The following PITPNC1 variants were observed in gnomAD, a reference collection of about 807,000 sequenced individuals.
PITPNC1 encodes the protein phosphatidylinositol transfer protein cytoplasmic 1.
Under a neutral mutation model 44.7 loss-of-function variants are expected in PITPNC1, and 18 were observed. The ratio of observed to expected loss-of-function variants is 0.40; its 90% CI spans 0.28 to 0.60. PITPNC1 has a LOEUF of 0.60. Ranked by LOEUF, PITPNC1 falls within the 20% of genes least tolerant of loss-of-function variation. PITPNC1 has a pLI of 0.39. For synonymous variants in PITPNC1, 141 were observed against 149.6 expected, an observed-to-expected ratio of 0.94 and a Z score of 0.42; for missense variants, 290 against 418.4, an observed-to-expected ratio of 0.69 and a Z score of 2.68.
chr17:67,511,351 A>T (rs1022614673), intron 1 of PITPNC1, among the ~76,000 whole-genome samples: 2 of 152,238 alleles, frequency 1.3e-5, no homozygotes, highest in African/African-American at 4.8e-5. Flanking sequence ...GGGTTTCTCT[A>T]GGATAAATTC....
At chr17:67,542,236 C>A (rs969334459) in intron 2 of PITPNC1, among the ~76,000 whole-genome samples, 2 of 151,952 alleles carry the variant, frequency 1.3e-5, no homozygotes, top group Non-Finnish European at 2.9e-5. Flanking sequence ...AGTTCTTGGG[C>A]GTATTTGGTA....
At chr17:67,403,017 C>T (rs556163442) in intron 1 of PITPNC1, among the ~76,000 whole-genome samples, 3 of 152,190 alleles carry the variant, frequency 2.0e-5, no homozygotes, top group South Asian at 4.1e-4. Context: ...AACCGTTCTT[C>T]TTAGCTTCGT....
Position 67,578,167 on chromosome 17 carries a change from A to C in PITPNC1, c.295-19A>C, listed in dbSNP as rs2570035. On this transcript the variant is annotated intron_variant, in intron 4 of 8. Transcript: ENST00000581322. Reference sequence around the variant, plus strand: ...GAGAAAAAATGTTATGCTAATGAAAATTTGCTTTTCTCCCACAGTGTTCCT... The same window carrying C: ...GAGAAAAAATGTTATGCTAATGAAACTTTGCTTTTCTCCCACAGTGTTCCT... 6.4e-7 allele frequency: 1 copy of C among 1,551,186 alleles called. No individual in the cohort carries two copies. The highest frequency in any genetic ancestry group is 8.9e-7 in the Non-Finnish European group (1 of 1,123,028).
chr17:67,405,515 G>C (rs2038382420), intron 1 of PITPNC1, among the ~76,000 whole-genome samples: 1 of 151,836 alleles, frequency 6.6e-6, no homozygotes, highest in Non-Finnish European at 1.5e-5. Context: ...ATTGGATATT[G>C]CACGGGTATG....
chr17:67,436,482 C>T (rs1406124960), intron 1 of PITPNC1, among the ~76,000 whole-genome samples: 1 of 151,738 alleles, frequency 6.6e-6, no homozygotes, highest in Non-Finnish European at 1.5e-5. Flanking sequence ...GTGAGGGAGG[C>T]AAGAGGTAAG....
intron 1 of PITPNC1, among the ~76,000 whole-genome samples, chr17:67,402,750 T>G (rs2038337229): frequency 6.6e-6 from 1 of 152,202 alleles, no homozygotes; most frequent in Non-Finnish European, 1.5e-5. Flanking sequence ...CACTGCAATC[T>G]TCCCCTCCCT....
intron 1 of PITPNC1, among the ~76,000 whole-genome samples, chr17:67,468,064 G>A (rs1158169197): frequency 6.6e-6 from 1 of 152,178 alleles, no homozygotes; most frequent in Non-Finnish European, 1.5e-5. Flanking sequence ...AAATAATCCT[G>A]TCCCTAATTA....
Position 67,614,655 on chromosome 17 carries a change from G to A in PITPNC1, c.367-17488G>A, listed in dbSNP as rs186212524. 1.8e-3 allele frequency among the ~76,000 whole-genome samples: 261 copies of A among 148,696 alleles called. 2 individuals are homozygous for A. The highest frequency in any genetic ancestry group is 6.2e-3 in the African/African-American group (251 of 40,354). ...CCACTGCACTCCAGCCTGGGCAACA[G>A]AGTGAGACTCCGTCTCAAAAAAAAA... On this transcript the variant is annotated intron_variant, in intron 5 of 8. Transcript: ENST00000581322.
intron 6 of PITPNC1, among the ~76,000 whole-genome samples, chr17:67,646,540 C>T (rs2042151708): frequency 6.6e-6 from 1 of 152,070 alleles, no homozygotes; most frequent in South Asian, 2.1e-4. Context: ...AAATAAATTC[C>T]ACCATTTAGA....
chr17:67,667,490 CA>C (rs71139168), intron 6 of PITPNC1, among the ~76,000 whole-genome samples: 21,992 of 107,466 alleles, frequency 0.2, 1,921 homozygotes, highest in African/African-American at 0.28. Flanking sequence ...GATCCTTTCT[CA>C]AAAAAAAAAA....
chr17:67,414,280 C>T (rs1341621873), intron 1 of PITPNC1, among the ~76,000 whole-genome samples: 1 of 152,088 alleles, frequency 6.6e-6, no homozygotes, highest in Non-Finnish European at 1.5e-5. Flanking sequence ...ATACCCAAAA[C>T]CTGGAAACAA....
chr17:67,646,620 C>T (rs1311376240), intron 6 of PITPNC1, among the ~76,000 whole-genome samples: 2 of 152,168 alleles, frequency 1.3e-5, no homozygotes, highest in African/African-American at 2.4e-5. Flanking sequence ...CCCCTCCAGG[C>T]TCAAGCGATC....
At chr17:67,425,203 G>GCACGCGCACACA (rs1555649746) in intron 1 of PITPNC1, among the ~76,000 whole-genome samples, 2 of 98,780 alleles carry the variant, frequency 2.0e-5, no homozygotes, top group Non-Finnish European at 4.0e-5. Flanking sequence ...GCACGCACAC[G>GCACGCGCACACA]CACACACACA....
intron 1 of PITPNC1, among the ~76,000 whole-genome samples, chr17:67,428,862 A>G (rs1056063549): frequency 1.4e-5 from 1 of 73,244 alleles, no homozygotes; most frequent in Non-Finnish European, 3.0e-5. Context: ...TTTTTTTGAG[A>G]CGGAGTCTCG....
chr17:67,414,779 C>T (rs61235919), intron 1 of PITPNC1, among the ~76,000 whole-genome samples: 1 of 152,114 alleles, frequency 6.6e-6, no homozygotes, highest in African/African-American at 2.4e-5. Flanking sequence ...TAGAGAATAT[C>T]TGGGGCAAAG....
At chr17:67,409,701 G>A (rs1290853325) in intron 1 of PITPNC1, among the ~76,000 whole-genome samples, 2 of 151,880 alleles carry the variant, frequency 1.3e-5, no homozygotes, top group Non-Finnish European at 2.9e-5. Context: ...ACCACGCCCA[G>A]CTAATTTTGT....
rs555170543 is a variant in PITPNC1 at position 67,683,536 on chromosome 17, A to G, written c.682+7994A>G. Reference sequence around the variant, plus strand: ...AGGATATTTCAGGATTTAGACAAACATATTTTCCTTCACAGCAGGGACCAT... The same window carrying G: ...AGGATATTTCAGGATTTAGACAAACGTATTTTCCTTCACAGCAGGGACCAT... On this transcript the variant is annotated intron_variant, in intron 8 of 8. Transcript: ENST00000581322. Among the ~76,000 whole-genome samples, 54 of 152,290 alleles carry G rather than the reference A, an allele frequency of 3.5e-4. No homozygotes were observed. The South Asian group carries it at 0.011, about 31-fold the overall frequency.
chr17:67,604,351 C>G (rs1383329125), intron 5 of PITPNC1, among the ~76,000 whole-genome samples: 2 of 152,136 alleles, frequency 1.3e-5, no homozygotes. Context: ...GGCTGGTAGG[C>G]TAATAGCAGG....
At chr17:67,553,002 TAA>T (rs1458711037) in intron 3 of PITPNC1, among the ~76,000 whole-genome samples, 1 of 152,222 alleles carries the variant, frequency 6.6e-6, no homozygotes, top group African/African-American at 2.4e-5. Flanking sequence ...ATACTTTGTA[TAA>T]AAGATTCTAT....
Sources: gnomAD v4.1 joint callset for allele counts (sites outside exome capture counted in the v4.1 genomes callset) on GRCh38, gnomAD v4.1.1 for gene constraint, MANE v1.5 for transcripts, NCBI Gene and HGNC (gene_info 2026-07-23, HGNC 2026-07-21) for gene names.